TBC1D1: variants seen among roughly 807,000 people sequenced by gnomAD.
TBC1D1 encodes the protein TBC1 (tre-2/USP6, BUB2, cdc16) domain family, member 1.
TBC1D1 carries 89 observed loss-of-function variants against 125.6 expected under a neutral mutation model. The observed-to-expected ratio is 0.71, with a 90% CI of 0.60 to 0.85. TBC1D1 has a LOEUF of 0.85. Among genes scored for constraint, TBC1D1 ranks in the 40% least tolerant of loss-of-function variants. TBC1D1 has a pLI of 0.00. For missense variants in TBC1D1, 1,377 were observed against 1,469.2 expected (o/e 0.94, Z 1.03); for synonymous variants, 565 against 564.1 (o/e 1.00, Z -0.02).
chr4:37,998,160 C>A (rs1211008852), intron 2 of TBC1D1, among the ~76,000 whole-genome samples: 1 of 152,126 alleles, frequency 6.6e-6, no homozygotes, highest in East Asian at 1.9e-4. Flanking sequence ...TAGGTGAGAT[C>A]GTCACTTCTC....
At chr4:37,908,161 G>T (rs1335365943) in intron 2 of TBC1D1, among the ~76,000 whole-genome samples, 4 of 152,110 alleles carry the variant, frequency 2.6e-5, no homozygotes, top group Admixed American at 1.3e-4. Flanking sequence ...TGGGCAGAGT[G>T]TGTGCCGGGC....
Position 38,115,732 on chromosome 4 carries a change from A to G in TBC1D1, c.2580A>G (p.Pro860=). 1 of 1,614,088 alleles carries G rather than the reference A, an allele frequency of 6.2e-7. No individual in the cohort carries two copies. Among genetic ancestry groups the G allele is most frequent in the Non-Finnish European group, 8.5e-7 (1 of 1,179,974 alleles). ...CAGGGCGAACCTTTCCTACACACCC[A>G]TACTTCTCTGCCCAGCTTGGAGCAG... The change falls in exon 16 of 20, where the codon CCA becomes CCG. Residue 860 remains proline, a synonymous_variant. Coordinates refer to ENST00000261439, the MANE Select transcript of TBC1D1 (RefSeq NM_015173.4).
chr4:37,989,213 A>G (rs924784480), intron 2 of TBC1D1, among the ~76,000 whole-genome samples: 1 of 152,216 alleles, frequency 6.6e-6, no homozygotes, highest in Non-Finnish European at 1.5e-5. Flanking sequence ...CCTCATCTGC[A>G]TGATAAAAAC....
intron 1 of TBC1D1, among the ~76,000 whole-genome samples, chr4:37,894,125 A>AGGCT (rs1386159117): frequency 6.6e-6 from 1 of 151,622 alleles, no homozygotes; most frequent in African/African-American, 2.4e-5. Flanking sequence ...AGTAGCTGGG[A>AGGCT]CTACAGGCGT....
chr4:37,901,668 C>T (rs1716036203), intron 1 of TBC1D1, among the ~76,000 whole-genome samples: 1 of 47,736 alleles, frequency 2.1e-5, no homozygotes, highest in South Asian at 6.6e-4. Context: ...ATTACTTGTC[C>T]CAGATCAGTT....
At chr4:38,027,234 G>A (rs1287970501) in intron 6 of TBC1D1, among the ~76,000 whole-genome samples, 1 of 152,306 alleles carries the variant, frequency 6.6e-6, no homozygotes, top group Non-Finnish European at 1.5e-5. Flanking sequence ...ATTGTTTTGA[G>A]AATTAAATGG....
Position 38,021,616 on chromosome 4 carries a change from G to A in TBC1D1, c.1108G>A (p.Ala370Thr). ...TGAAATTATGATGACCCTGAAACAGGCCTTCACGGTGGCCGCAGTGCAGCA... is the reference window on the plus strand; with the variant it reads ...TGAAATTATGATGACCCTGAAACAGACCTTCACGGTGGCCGCAGTGCAGCA... Residue 370 changes from alanine to threonine, a missense_variant, in exon 6 of 20, where the codon GCC becomes ACC. Transcript: ENST00000261439. 1 of 1,587,202 alleles carries A rather than the reference G, an allele frequency of 6.3e-7. No homozygotes were observed. The highest frequency in any genetic ancestry group is 8.6e-7 in the Non-Finnish European group (1 of 1,168,152).
rs1246999075 is a variant in TBC1D1 at position 38,021,721 on chromosome 4, G to A, written c.1210+3G>A. 1 of 1,558,524 alleles carries A rather than the reference G, an allele frequency of 6.4e-7. No homozygotes were observed. The highest frequency in any genetic ancestry group is 1.4e-5 in the African/African-American group (1 of 72,544). On this transcript the variant is annotated splice_donor_region_variant and intron_variant, in intron 6 of 19. Coordinates refer to ENST00000261439, the MANE Select transcript of TBC1D1 (RefSeq NM_015173.4). ...CAAGCTCTGTGAGAGGATAGAGGGTGAGTAGGGGACCCTTTCCAGCATGAA... is the reference window on the plus strand; with the variant it reads ...CAAGCTCTGTGAGAGGATAGAGGGTAAGTAGGGGACCCTTTCCAGCATGAA...
In TBC1D1 at chr4:37,941,509, G is replaced by A. The variant is rs187538709; in HGVS notation, c.417+38997G>A. 9.2e-5 allele frequency among the ~76,000 whole-genome samples: 14 copies of A among 152,140 alleles called. No homozygotes were observed. In the East Asian group the frequency reaches 2.7e-3, roughly 29 times the overall value. Reference sequence around the variant, plus strand: ...TCATTGATTTTTTGAAGGGTTTTTTGTGTCTCTGTCTCCCTCAGTTCTGTT... The same window carrying A: ...TCATTGATTTTTTGAAGGGTTTTTTATGTCTCTGTCTCCCTCAGTTCTGTT... On this transcript the variant is annotated intron_variant, in intron 2 of 19. Transcript: ENST00000261439.
Position 38,035,595 on chromosome 4 carries a change from G to A in TBC1D1, c.1310G>A (p.Arg437Lys), listed in dbSNP as rs772924043. The A allele has an allele frequency of 7.4e-6, 12 of 1,612,218 alleles. No individual in the cohort carries two copies. Among genetic ancestry groups the A allele is most frequent in the Non-Finnish European group, 9.3e-6 (11 of 1,179,246 alleles). The change falls in exon 8 of 20, where the codon AGA becomes AAA. Residue 437 changes from arginine to lysine, a missense_variant. Transcript: ENST00000261439. ...CTGATTTTTGTTTTAAAGAAATTGA[G>A]ACCGAGAAATGAGCAGCGAGAGAAT...
rs377098279 is a variant in TBC1D1 at position 37,900,349 on chromosome 4, T to A, written c.-93-1654T>A. On this transcript the variant is annotated intron_variant, in intron 1 of 19. Transcript: ENST00000261439. ...GAGACAGTAAGTGTAGACCTTACCTTGGAGGGAAGGAAGAGAAAGAGCCAT... is the reference window on the plus strand; with the variant it reads ...GAGACAGTAAGTGTAGACCTTACCTAGGAGGGAAGGAAGAGAAAGAGCCAT... 1.6e-4 allele frequency among the ~76,000 whole-genome samples: 24 copies of A among 151,052 alleles called. No individual in the cohort carries two copies. In the South Asian group the frequency reaches 4.0e-3, roughly 25 times the overall value.
chr4:38,008,721 A>G (rs2152418886), intron 2 of TBC1D1, among the ~76,000 whole-genome samples: 1 of 152,320 alleles, frequency 6.6e-6, no homozygotes, highest in African/African-American at 2.4e-5. Context: ...TCTAATTGTA[A>G]GCATGAAGCA....
At chr4:38,098,376 G>T (rs907981058) in intron 14 of TBC1D1, among the ~76,000 whole-genome samples, 2 of 152,178 alleles carry the variant, frequency 1.3e-5, no homozygotes, top group Non-Finnish European at 2.9e-5. Flanking sequence ...AAATTGCATG[G>T]GTCTGTGACA....
intron 2 of TBC1D1, among the ~76,000 whole-genome samples, chr4:37,945,889 C>T (rs931288522): frequency 1.3e-5 from 2 of 152,116 alleles, no homozygotes; most frequent in African/African-American, 4.8e-5. Flanking sequence ...AGTTTAAAGT[C>T]GCAGCCAAAA....
intron 2 of TBC1D1, among the ~76,000 whole-genome samples, chr4:37,919,250 C>T (rs2152269575): frequency 6.6e-6 from 1 of 151,110 alleles, no homozygotes; most frequent in South Asian, 2.1e-4. Flanking sequence ...TCACTGCAAC[C>T]TCCACCTCCT....
chr4:38,035,373 G>C lies in TBC1D1; in HGVS notation c.1303-215G>C, dbSNP rs188488313. On this transcript the variant is annotated intron_variant, in intron 7 of 19. Coordinates refer to ENST00000261439, the MANE Select transcript of TBC1D1 (RefSeq NM_015173.4). ...ATATTAAAGATTCATTTTTAGATGGGAGGACATCAGAGATGAAAAGCTAAA... is the reference window on the plus strand; with the variant it reads ...ATATTAAAGATTCATTTTTAGATGGCAGGACATCAGAGATGAAAAGCTAAA... Among the ~76,000 whole-genome samples the C allele has an allele frequency of 2.0e-5, 3 of 152,308 alleles. No individual in the cohort carries two copies. In the East Asian group the frequency reaches 5.8e-4, roughly 29 times the overall value.
chr4:38,018,516 A>G, intron 4 of TBC1D1, 73 bp downstream of exon 4: 1 of 968,248 alleles, frequency 1.0e-6, no homozygotes, highest in Non-Finnish European at 1.6e-6. Flanking sequence ...TCTATCATGT[A>G]ACAAATGCTA....
intron 12 of TBC1D1, among the ~76,000 whole-genome samples, chr4:38,089,549 T>C (rs114771066): frequency 0.013 from 2,047 of 152,324 alleles, 47 homozygotes; most frequent in African/African-American, 0.046. Flanking sequence ...TCTTAGAGTT[T>C]TGTGAGTGTA....
At chr4:38,130,138 T>C (rs1174379896) in intron 18 of TBC1D1, among the ~76,000 whole-genome samples, 2 of 152,192 alleles carry the variant, frequency 1.3e-5, no homozygotes, top group Admixed American at 6.5e-5. Flanking sequence ...TGGATTAATA[T>C]GATGATGGTA....
Sources: gnomAD v4.1 joint callset for allele counts (sites outside exome capture counted in the v4.1 genomes callset) on GRCh38, gnomAD v4.1.1 for gene constraint, MANE v1.5 for transcripts, NCBI Gene and HGNC (gene_info 2026-07-23, HGNC 2026-07-21) for gene names.